The following VSIR variants were observed in gnomAD, a reference collection of about 807,000 sequenced individuals.
The protein encoded by VSIR is V-set immunoregulatory receptor.
Under a neutral mutation model 31.0 loss-of-function variants are expected in VSIR, and 10 were observed. That is an observed-to-expected ratio of 0.32 (90% CI 0.20 to 0.55). The LOEUF (loss-of-function observed/expected upper bound fraction) is 0.55, where lower values mean the gene tolerates loss of function less well. Ranked by LOEUF, VSIR falls within the 20% of genes least tolerant of loss-of-function variation. VSIR has a pLI of 0.93. For synonymous variants in VSIR, 179 were observed against 180.1 expected (o/e 0.99, Z 0.05); for missense variants, 356 against 416.2 (o/e 0.86, Z 1.26).
At chr10:71,766,845 C>A (rs1306303315) in intron 1 of VSIR, among the ~76,000 whole-genome samples, 1 of 152,184 alleles carries the variant, frequency 6.6e-6, no homozygotes, top group Non-Finnish European at 1.5e-5. Context: ...TCTCCAGAAC[C>A]CTCCAGTGGG....
At chr10:71,758,755 T>C (rs1276362975) in intron 3 of VSIR, among the ~76,000 whole-genome samples, 1 of 152,158 alleles carries the variant, frequency 6.6e-6, no homozygotes, top group African/African-American at 2.4e-5. Flanking sequence ...AGGCTAGGCA[T>C]GGTGGCTCAC....
chr10:71,761,587 G>A lies in VSIR; in HGVS notation c.511+11C>T. The A allele has an allele frequency of 6.4e-7, 1 of 1,564,612 alleles. No individual in the cohort carries two copies. The highest frequency in any genetic ancestry group is 8.7e-7 in the Non-Finnish European group (1 of 1,155,944). On this transcript the variant is annotated intron_variant, in intron 2 of 6. Coordinates refer to ENST00000394957, the MANE Select transcript of VSIR (RefSeq NM_022153.2). ...ACACACGCCAGGCTGTCACGTGCAG[G>A]ATGCCCTCACCTGTCTGCACCTGCA...
chr10:71,752,246 G>C (rs1840023635), intron 5 of VSIR, among the ~76,000 whole-genome samples: 1 of 152,244 alleles, frequency 6.6e-6, no homozygotes, highest in South Asian at 2.1e-4. Flanking sequence ...CCCAAAGCCT[G>C]TCTTGAGCTG....
At chr10:71,764,936 A>C (rs898876243) in intron 1 of VSIR, among the ~76,000 whole-genome samples, 4 of 152,240 alleles carry the variant, frequency 2.6e-5, no homozygotes, top group African/African-American at 9.6e-5. Context: ...CAGCAGGCTC[A>C]GTGGAAAAGG....
intron 3 of VSIR, among the ~76,000 whole-genome samples, chr10:71,759,035 A>G (rs1015134681): frequency 6.6e-6 from 1 of 151,602 alleles, no homozygotes; most frequent in African/African-American, 2.4e-5. Context: ...ATGCCAGGCA[A>G]ATTTTGGGTT....
intron 1 of VSIR, among the ~76,000 whole-genome samples, chr10:71,771,212 G>A (rs1840676370): frequency 6.6e-6 from 1 of 152,150 alleles, no homozygotes; most frequent in African/African-American, 2.4e-5. Context: ...CTTGAGATCT[G>A]CTGGGTCCTG....
chr10:71,759,912 C>CAT (rs1840271308), intron 3 of VSIR, among the ~76,000 whole-genome samples: 1 of 93,122 alleles, frequency 1.1e-5, no homozygotes, highest in African/African-American at 3.6e-5. Context: ...TATACACACA[C>CAT]ACATATATAC....
At chr10:71,768,771 T>C (rs972011181) in intron 1 of VSIR, among the ~76,000 whole-genome samples, 1 of 152,250 alleles carries the variant, frequency 6.6e-6, no homozygotes, top group Non-Finnish European at 1.5e-5. Context: ...TGAGCCACTG[T>C]GCTCGGCCTC....
chr10:71,767,674 C>T (rs546465029), intron 1 of VSIR, among the ~76,000 whole-genome samples: 1 of 152,342 alleles, frequency 6.6e-6, no homozygotes, highest in African/African-American at 2.4e-5. Context: ...AGAAAGGAAG[C>T]GTCACAAGGC....
rs756393857 is a variant in VSIR, at chr10:71,755,362, G to A, written c.673C>T (p.Arg225Cys). 3.0e-5 allele frequency: 49 copies of A among 1,607,542 alleles called. No homozygotes were observed. Among genetic ancestry groups the A allele is most frequent in the Admixed American group, 1.8e-4 (11 of 59,752 alleles). Reference protein sequence around the residue: ...VYKQRQAASNRRAQELVRMDS... With the variant: ...VYKQRQAASNCRAQELVRMDS... ...CCAGGCAGGGAGGAATACTCACGGC[G>A]GTTGGAGGCTGCCTGCCTTTGCTTG... Residue 225 changes from arginine (R) to cysteine (C), a missense_variant, in exon 4 of 7, where the codon CGC becomes TGC. By Grantham distance (180) the Arg-to-Cys change is radical (BLOSUM62 -3). Around this residue, in one of 2 missense-constraint regions of VSIR, gnomAD observed 190 missense variants for 185.2 expected, o/e 1.03. Transcript: ENST00000394957.
chr10:71,773,428 G>A lies in VSIR; in HGVS notation c.12C>T (p.Pro4=), dbSNP rs1414482499. The A allele has an allele frequency of 6.2e-7, 1 of 1,600,856 alleles. No individual in the cohort carries two copies. MGV[P]TALEAGSWRW... The stretch of plus-strand genomic sequence containing the variant: ...GCCAGCTGCCGGCCTCCAGGGCCGT[G>A]GGGACGCCCATGTCGCCGTCGGACG... The change falls in exon 1 of 7, where the codon CCC becomes CCT. Residue 4 remains proline, a synonymous_variant. Transcript: ENST00000394957.
intron 1 of VSIR, among the ~76,000 whole-genome samples, chr10:71,769,981 G>A (rs1322520972): frequency 2.0e-5 from 3 of 152,218 alleles, no homozygotes; most frequent in Non-Finnish European, 4.4e-5. Context: ...AAGAGAACCT[G>A]TAGGCACCTC....
chr10:71,759,482 G>A (rs1399850734), intron 3 of VSIR, among the ~76,000 whole-genome samples: 3 of 151,710 alleles, frequency 2.0e-5, no homozygotes, highest in Admixed American at 6.6e-5. Context: ...ATTCCAGCCT[G>A]AGTGACAGAG....
In VSIR at chr10:71,773,341, G is replaced by A. The variant is rs201293554; in HGVS notation, c.82+17C>T. On this transcript the variant is annotated intron_variant, in intron 1 of 6. Transcript: ENST00000394957. ...TCTCCCAGCTTTTTCCCAGCGCCCC[G>A]CCTCCCCCGACCTTACCTAGGGACG... The A allele has an allele frequency of 4.4e-6, 7 of 1,596,802 alleles. No homozygotes were observed. Among genetic ancestry groups the A allele is most frequent in the Non-Finnish European group, 6.0e-6 (7 of 1,171,782 alleles).
intron 1 of VSIR, among the ~76,000 whole-genome samples, chr10:71,765,412 G>T (rs551936778): frequency 6.6e-6 from 1 of 152,324 alleles, no homozygotes; most frequent in Admixed American, 6.5e-5. Flanking sequence ...AGCAAGATGC[G>T]CAAAGCTGAG....
chr10:71,754,990 T>C (rs1840095969), intron 4 of VSIR: 1 of 434,146 alleles, frequency 2.3e-6, no homozygotes, highest in Non-Finnish European at 4.7e-6. Context: ...CAATTGCTAC[T>C]AATTACAAAA....
rs776230069 is a variant in VSIR, at chr10:71,759,846, C to CACACACACACACACACATAT, written c.568+1021_568+1022insATATGTGTGTGTGTGTGTGT. Among the ~76,000 whole-genome samples, 39 of 59,962 alleles carry CACACACACACACACACATAT rather than the reference C, an allele frequency of 6.5e-4. 4 individuals carry two copies. Among genetic ancestry groups the CACACACACACACACACATAT allele is most frequent in the African/African-American group, 1.9e-3 (32 of 16,702 alleles). 39.3% of individuals were successfully genotyped at this position (59,962 alleles called of 152,430 possible). ...ACACACACACACACACACACACACACATATACACACACACACACATATATA... is the reference window on the plus strand; with the variant it reads ...ACACACACACACACACACACACACACACACACACACACACACATATATATACACACACACACACATATATA... On this transcript the variant is annotated intron_variant, in intron 3 of 6. Coordinates refer to ENST00000394957, the MANE Select transcript of VSIR (RefSeq NM_022153.2).
At position 71,773,395 on chromosome 10, in the gene VSIR, T is replaced by G; in HGVS notation, c.45A>C (p.Gly15=). The G allele has an allele frequency of 6.2e-7, 1 of 1,609,974 alleles. No homozygotes were observed. The highest frequency in any genetic ancestry group is 1.3e-5 in the African/African-American group (1 of 74,934). The change falls in exon 1 of 7, where the codon GGA becomes GGC. Residue 15 remains glycine, a synonymous_variant. Transcript: ENST00000394957. ...TALEAGSWRW[G]SLLFALFLAA... ...CCAGGAAGAGAGCGAAGAGCAGGGA[T>G]CCCCAGCGCCAGCTGCCGGCCTCCA...
Position 71,761,849 on chromosome 10 carries a change from C to A in VSIR, c.260G>T (p.Arg87Leu), listed in dbSNP as rs757499424. Residue 87 changes from arginine (R) to leucine (L), a missense_variant, in exon 2 of 7, where the codon CGG (arginine) becomes CTG (leucine). By Grantham distance (102) the Arg-to-Leu change is moderately radical (BLOSUM62 -2). Coordinates refer to ENST00000394957, the MANE Select transcript of VSIR (RefSeq NM_022153.2). The stretch of plus-strand genomic sequence containing the variant: ...CTGGAACGTGAGGTTGCGGATGGGC[C>A]GGCGCTCTGAGCAGGTCTGCACCTC... The part of the protein sequence containing the change: ...RGEVQTCSER[R>L]PIRNLTFQDL... 3.1e-6 allele frequency: 5 copies of A among 1,614,000 alleles called. No individual in the cohort carries two copies. The highest frequency in any genetic ancestry group is 3.4e-6 in the Non-Finnish European group (4 of 1,180,036).
Sources: gnomAD v4.1 joint callset for allele counts (sites outside exome capture counted in the v4.1 genomes callset) on GRCh38, gnomAD v4.1.1 for gene constraint, gnomAD v4.1.1 regional missense constraint, MANE v1.5 for transcripts, NCBI Gene and HGNC (gene_info 2026-07-23, HGNC 2026-07-21) for gene names.